ANKS1B: variants seen among roughly 807,000 people sequenced by gnomAD.
ANKS1B encodes ankyrin repeat and sterile alpha motif domain-containing protein 1B.
A neutral mutation model predicts 148.3 loss-of-function variants in ANKS1B; 36 were observed. The ratio of observed to expected loss-of-function variants is 0.24; its 90% CI spans 0.19 to 0.32. ANKS1B has a LOEUF of 0.32. Among genes scored for constraint, ANKS1B ranks in the 10% least tolerant of loss-of-function variants. ANKS1B has a pLI of 1.00. For missense variants in ANKS1B, 1,157 were observed against 1,542.6 expected (o/e 0.75, Z 4.19); for synonymous variants, 542 against 560.8 (o/e 0.97, Z 0.47).
At chr12:99,422,215 A>G (rs999423087) in intron 11 of ANKS1B, among the ~76,000 whole-genome samples, 1 of 152,238 alleles carries the variant, frequency 6.6e-6, no homozygotes, top group African/African-American at 2.4e-5. Flanking sequence ...AACACAGATA[A>G]GACAGCACAA....
At chr12:99,560,520 G>A (rs1346729396) in intron 9 of ANKS1B, among the ~76,000 whole-genome samples, 1 of 151,974 alleles carries the variant, frequency 6.6e-6, no homozygotes, top group African/African-American at 2.4e-5. Flanking sequence ...TGGAGATTGT[G>A]ATTTTGATCC....
At chr12:99,049,983 G>C (rs1185795013) in intron 17 of ANKS1B, among the ~76,000 whole-genome samples, 1 of 152,084 alleles carries the variant, frequency 6.6e-6, no homozygotes, top group Non-Finnish European at 1.5e-5. Context: ...ACAGTTACTG[G>C]AGCAATCTGG....
intron 14 of ANKS1B, among the ~76,000 whole-genome samples, chr12:99,177,603 A>T (rs1760711312): frequency 6.6e-6 from 1 of 152,232 alleles, no homozygotes; most frequent in African/African-American, 2.4e-5. Context: ...GTTTACACTT[A>T]TGTATGTCTG....
chr12:99,647,300 G>A (rs2098379844), intron 9 of ANKS1B, among the ~76,000 whole-genome samples: 1 of 152,142 alleles, frequency 6.6e-6, no homozygotes, highest in South Asian at 2.1e-4. Context: ...TCCCGTCACA[G>A]AAGCTCCATA....
At chr12:99,405,924 C>G (rs969879270) in intron 11 of ANKS1B, among the ~76,000 whole-genome samples, 2 of 145,228 alleles carry the variant, frequency 1.4e-5, no homozygotes, top group African/African-American at 5.2e-5. Flanking sequence ...CAAGAAAAAA[C>G]TATAAAAACA....
chr12:99,906,879 TAA>T (rs1355893249), intron 1 of ANKS1B, among the ~76,000 whole-genome samples: 1 of 151,778 alleles, frequency 6.6e-6, no homozygotes, highest in African/African-American at 2.4e-5. Context: ...TTCAGAAAAG[TAA>T]AGTCTAGAAA....
intron 1 of ANKS1B, among the ~76,000 whole-genome samples, chr12:99,835,752 AG>A (rs2084748173): frequency 6.6e-6 from 1 of 152,136 alleles, no homozygotes; most frequent in Non-Finnish European, 1.5e-5. Flanking sequence ...AATTATTCCA[AG>A]GGGAAAAAAG....
intron 1 of ANKS1B, among the ~76,000 whole-genome samples, chr12:99,980,565 C>T (rs779429046): frequency 1.3e-5 from 2 of 152,142 alleles, no homozygotes; most frequent in Non-Finnish European, 2.9e-5. Flanking sequence ...GGGACATCTA[C>T]TGCATTTTGT....
Position 98,745,717 on chromosome 12 carries a change from G to A in ANKS1B, c.*22C>T, listed in dbSNP as rs1022262997. On this transcript the variant is annotated 3_prime_UTR_variant, in exon 27 of 27. Coordinates refer to ENST00000683438, the MANE Select transcript of ANKS1B (RefSeq NM_001352186.2). ...GACCGCTTGGCGAGCAAGGCACCGCGAGGACAGGAGGACGGCGAGTATCAG... is the reference window on the plus strand; with the variant it reads ...GACCGCTTGGCGAGCAAGGCACCGCAAGGACAGGAGGACGGCGAGTATCAG... 3 of 1,611,954 alleles carry A rather than the reference G, an allele frequency of 1.9e-6. No individual in the cohort carries two copies. The highest frequency in any genetic ancestry group is 2.5e-6 in the Non-Finnish European group (3 of 1,178,952).
chr12:99,098,906 A>ATT (rs71081897), intron 15 of ANKS1B, among the ~76,000 whole-genome samples: 1 of 150,912 alleles, frequency 6.6e-6, no homozygotes, highest in Admixed American at 6.6e-5. Flanking sequence ...GTTCTTCCTA[A>ATT]TTTTTTTCTT....
rs528610068 is a variant in ANKS1B at position 99,860,572 on chromosome 12, G to A, written c.135-35183C>T. On this transcript the variant is annotated intron_variant, in intron 1 of 26. Coordinates refer to ENST00000683438, the MANE Select transcript of ANKS1B (RefSeq NM_001352186.2). The stretch of plus-strand genomic sequence containing the variant: ...AGATCCCTCTGGAGGACACATGGAG[G>A]ATGGGTTCAAAGTGTGTGAGACTAG... Among the ~76,000 whole-genome samples the A allele has an allele frequency of 3.3e-5, 5 of 152,288 alleles. No homozygotes were observed. In the South Asian group the frequency reaches 1.0e-3, roughly 32 times the overall value.
chr12:99,844,588 G>A (rs2086318667), intron 1 of ANKS1B, among the ~76,000 whole-genome samples: 1 of 152,012 alleles, frequency 6.6e-6, no homozygotes, highest in Non-Finnish European at 1.5e-5. Context: ...CTGTTCCATT[G>A]GCCTGTGTGT....
chr12:99,248,423 A>C (rs536672072), intron 12 of ANKS1B, among the ~76,000 whole-genome samples: 1 of 152,320 alleles, frequency 6.6e-6, no homozygotes, highest in East Asian at 1.9e-4. Context: ...ACAGGAAGAG[A>C]GATCCAAGAC....
Position 98,745,482 on chromosome 12 carries a change from G to C in ANKS1B, c.*257C>G. On this transcript the variant is annotated 3_prime_UTR_variant, in exon 27 of 27. Transcript: ENST00000683438. The stretch of plus-strand genomic sequence containing the variant: ...CAGAAATACCTTGGGAGGTGGTGGG[G>C]AGGGGAGTCGGGAGCATCAGGGAAA... 1 of 1,159,514 alleles carries C rather than the reference G, an allele frequency of 8.6e-7. No individual in the cohort carries two copies. Among genetic ancestry groups the C allele is most frequent in the Non-Finnish European group, 1.1e-6 (1 of 939,922 alleles). 71.8% of individuals were successfully genotyped at this position (1,159,514 alleles called of 1,614,324 possible). A position where few individuals can be genotyped will look rare whatever the true frequency, so the allele number is the denominator to read the frequency against.
At chr12:99,564,540 C>T (rs2097369371) in intron 9 of ANKS1B, among the ~76,000 whole-genome samples, 1 of 151,792 alleles carries the variant, frequency 6.6e-6, no homozygotes. Flanking sequence ...ATAAGATAAA[C>T]TTGTATTTTC....
intron 15 of ANKS1B, among the ~76,000 whole-genome samples, chr12:99,136,143 C>T (rs1307250390): frequency 1.3e-5 from 2 of 152,186 alleles, no homozygotes; most frequent in South Asian, 2.1e-4. Context: ...TAGGATAACT[C>T]TAATGTTCCC....
At chr12:99,779,621 T>A (rs187568015) in intron 6 of ANKS1B, among the ~76,000 whole-genome samples, 1 of 152,150 alleles carries the variant, frequency 6.6e-6, no homozygotes, top group Non-Finnish European at 1.5e-5. Context: ...ATATGAATTT[T>A]AAAAATATTT....
At chr12:99,648,104 G>A in intron 9 of ANKS1B, 1 of 1,541,366 alleles carries the variant, frequency 6.5e-7, no homozygotes, top group Non-Finnish European at 8.7e-7. Context: ...CAAGGAAACA[G>A]GATGCCCGCT....
chr12:99,579,903 T>C (rs1055505806), intron 9 of ANKS1B, among the ~76,000 whole-genome samples: 18 of 152,314 alleles, frequency 1.2e-4, no homozygotes, highest in Admixed American at 9.8e-4. Flanking sequence ...TACACTCATA[T>C]GTTCATTGCA....
Sources: gnomAD v4.1 joint callset for allele counts (sites outside exome capture counted in the v4.1 genomes callset) on GRCh38, gnomAD v4.1.1 for gene constraint, MANE v1.5 for transcripts, NCBI Gene and HGNC (gene_info 2026-07-23, HGNC 2026-07-21) for gene names.